Variants in TMTC2 observed in about 807,000 individuals in gnomAD.
The protein encoded by TMTC2 is transmembrane O-mannosyltransferase targeting cadherins 2.
TMTC2 carries 43 observed loss-of-function variants against 82.4 expected under a neutral mutation model. That is an observed-to-expected ratio of 0.52 (90% CI 0.41 to 0.67). The LOEUF (loss-of-function observed/expected upper bound fraction) is 0.67, where lower values mean the gene tolerates loss of function less well. TMTC2 is among the 30% of genes least tolerant of loss of function. TMTC2 has a pLI of 0.00. For missense variants in TMTC2, 919 were observed against 1,012.4 expected (o/e 0.91, Z 1.25); for synonymous variants, 408 against 381.9 (o/e 1.07, Z -0.80).
intron 4 of TMTC2, among the ~76,000 whole-genome samples, chr12:82,951,573 G>A (rs1261032127): frequency 6.6e-6 from 1 of 151,986 alleles, no homozygotes; most frequent in African/African-American, 2.4e-5. Flanking sequence ...CTCCCGCCTC[G>A]GCCTCCCAAA....
At chr12:83,127,022 C>T (rs1269559258) in intron 11 of TMTC2, among the ~76,000 whole-genome samples, 1 of 152,114 alleles carries the variant, frequency 6.6e-6, no homozygotes. Context: ...GCAATTTCAA[C>T]TGAATACAGT....
chr12:82,717,255 G>T (rs1873945771), intron 1 of TMTC2, among the ~76,000 whole-genome samples: 2 of 145,226 alleles, frequency 1.4e-5, no homozygotes, highest in African/African-American at 2.6e-5. Context: ...ACAGAGTTTT[G>T]CTCTTGTCGC....
At chr12:82,821,888 CA>C (rs59861216) in intron 1 of TMTC2, among the ~76,000 whole-genome samples, 7,858 of 69,404 alleles carry the variant, frequency 0.11, 455 homozygotes, top group African/African-American at 0.26. Flanking sequence ...GACTCCGTCT[CA>C]AAAAAAAAAA....
In TMTC2 at chr12:82,861,117, T is replaced by A. The variant is rs1044246609; in HGVS notation, c.654+3537T>A. ...CTTCCTTGCTCTGTTAAAACATAACTTATATACAAATGGAAAACTGCAGTA... is the reference window on the plus strand; with the variant it reads ...CTTCCTTGCTCTGTTAAAACATAACATATATACAAATGGAAAACTGCAGTA... On this transcript the variant is annotated intron_variant, in intron 2 of 11. Coordinates refer to ENST00000321196, the MANE Select transcript of TMTC2 (RefSeq NM_152588.3). Among the ~76,000 whole-genome samples the A allele has an allele frequency of 2.0e-5, 3 of 152,216 alleles. No homozygotes were observed. In the South Asian group the frequency reaches 6.2e-4, roughly 31 times the overall value.
At chr12:82,775,004 TC>T (rs1291210480) in intron 1 of TMTC2, among the ~76,000 whole-genome samples, 1 of 152,014 alleles carries the variant, frequency 6.6e-6, no homozygotes, top group Non-Finnish European at 1.5e-5. Flanking sequence ...CTGCCATAGA[TC>T]AACTAATTGT....
At chr12:82,756,052 G>A (rs1876306239) in intron 1 of TMTC2, among the ~76,000 whole-genome samples, 1 of 151,952 alleles carries the variant, frequency 6.6e-6, no homozygotes, top group Non-Finnish European at 1.5e-5. Context: ...TTTGTATTTT[G>A]TTAAATAATT....
At chr12:82,716,901 G>T (rs1307996795) in intron 1 of TMTC2, among the ~76,000 whole-genome samples, 4 of 152,124 alleles carry the variant, frequency 2.6e-5, no homozygotes, top group African/African-American at 9.7e-5. Flanking sequence ...TGCTCTTTCT[G>T]CAATTTGTTG....
intron 10 of TMTC2, among the ~76,000 whole-genome samples, chr12:83,053,589 G>C (rs974241257): frequency 6.6e-6 from 1 of 152,052 alleles, no homozygotes; most frequent in Admixed American, 6.6e-5. Context: ...TAGATTGGAA[G>C]AAGTGAGATC....
intron 3 of TMTC2, among the ~76,000 whole-genome samples, chr12:82,914,641 T>C (rs1874890070): frequency 2.0e-5 from 3 of 152,074 alleles, no homozygotes; most frequent in African/African-American, 7.2e-5. Flanking sequence ...AGATAATGAA[T>C]AGGGCAGATT....
At chr12:83,130,089 T>C (rs1207840781) in intron 11 of TMTC2, among the ~76,000 whole-genome samples, 1 of 152,210 alleles carries the variant, frequency 6.6e-6, no homozygotes, top group Non-Finnish European at 1.5e-5. Context: ...TAGTAAGGAA[T>C]GGTCTCCAAC....
chr12:82,964,219 G>C (rs1878085569), intron 4 of TMTC2, among the ~76,000 whole-genome samples: 1 of 151,818 alleles, frequency 6.6e-6, no homozygotes, highest in Non-Finnish European at 1.5e-5. Context: ...CTCTGTGCGA[G>C]CTTTTTGAAC....
At chr12:83,130,595 T>G (rs1431825900) in intron 11 of TMTC2, among the ~76,000 whole-genome samples, 3 of 152,138 alleles carry the variant, frequency 2.0e-5, no homozygotes, top group Non-Finnish European at 4.4e-5. Context: ...TTAAGGGAAT[T>G]TTAGTATCTA....
chr12:82,869,861 T>C lies in TMTC2; in HGVS notation c.654+12281T>C, dbSNP rs151066494. Among the ~76,000 whole-genome samples, 3 of 150,478 alleles carry C rather than the reference T, an allele frequency of 2.0e-5. No homozygotes were observed. The East Asian group carries it at 5.9e-4, about 29-fold the overall frequency. On this transcript the variant is annotated intron_variant, in intron 2 of 11. Transcript: ENST00000321196. Reference sequence around the variant, plus strand: ...CTCAAAAAAAAAAATAAATAAAAAATAAAAATAAAAAAAATAAGAAAAGAA... The same window carrying C: ...CTCAAAAAAAAAAATAAATAAAAAACAAAAATAAAAAAAATAAGAAAAGAA...
intron 1 of TMTC2, among the ~76,000 whole-genome samples, chr12:82,822,918 C>A (rs1869199756): frequency 6.6e-6 from 1 of 152,126 alleles, no homozygotes; most frequent in Non-Finnish European, 1.5e-5. Flanking sequence ...CTCTTCACAG[C>A]CTGGGACTGA....
chr12:82,985,817 A>C, intron 7 of TMTC2, 108 bp from the exon 8 acceptor site: 1 of 1,369,898 alleles, frequency 7.3e-7, no homozygotes, highest in Admixed American at 2.1e-5. Flanking sequence ...TACTTCCCAC[A>C]GCATCTGAAA....
chr12:83,131,937 A>G (rs1008495601), intron 11 of TMTC2, among the ~76,000 whole-genome samples: 1 of 152,116 alleles, frequency 6.6e-6, no homozygotes, highest in African/African-American at 2.4e-5. Context: ...AGGCTTTTAG[A>G]TCTTCATATG....
intron 2 of TMTC2, among the ~76,000 whole-genome samples, chr12:82,891,242 C>T (rs1372841573): frequency 6.6e-6 from 1 of 152,122 alleles, no homozygotes; most frequent in Non-Finnish European, 1.5e-5. Context: ...TCCACAAGAA[C>T]AGTTGAGATG....
intron 3 of TMTC2, among the ~76,000 whole-genome samples, chr12:82,927,699 CACTCCAACCTTCAGCA>C (rs1281779172): frequency 2.6e-5 from 4 of 152,116 alleles, no homozygotes; most frequent in Non-Finnish European, 4.4e-5. Flanking sequence ...TTGTCACAGC[CACTCCAACCTTCAGCA>C]ACCATCACCC....
intron 1 of TMTC2, among the ~76,000 whole-genome samples, chr12:82,708,201 C>T (rs1873460708): frequency 6.6e-6 from 1 of 152,176 alleles, no homozygotes; most frequent in African/African-American, 2.4e-5. Context: ...AAAAGTTTGC[C>T]AACCCCTGAT....
Sources: allele counts gnomAD v4.1 joint callset (sites outside exome capture counted in the v4.1 genomes callset), GRCh38; gene constraint gnomAD v4.1.1; transcripts MANE v1.5; gene names NCBI Gene and HGNC (gene_info 2026-07-23, HGNC 2026-07-21).